TSLP: variants seen among roughly 807,000 people sequenced by gnomAD.
TSLP encodes thymic stroma-derived lymphopoietin.
A neutral mutation model predicts 12.4 loss-of-function variants in TSLP; 12 were observed. The observed-to-expected ratio is 0.97, with a 90% CI of 0.62 to 1.57. The LOEUF is 1.57. Ranked by LOEUF, TSLP falls within the 40% of genes most tolerant of loss-of-function variation. The probability of loss-of-function intolerance (pLI) is 0.00; values close to 1 mark genes in which losing one functional copy is unlikely to be tolerated. For synonymous variants in TSLP, 97 were observed against 69.5 expected (o/e 1.40, Z -1.97); for missense variants, 222 against 189.6 (o/e 1.17, Z -1.00).
At position 111,072,933 on chromosome 5, in the gene TSLP, G is replaced by A. The variant is rs1580376116; in HGVS notation, c.216+1G>A. On this transcript the variant is annotated splice_donor_variant, in intron 2 of 3. Coordinates refer to ENST00000344895, the MANE Select transcript of TSLP (RefSeq NM_033035.5). LOFTEE classifies it high-confidence loss of function. ...CAACACCGTCTCTTGTAGCAATCGG[G>A]TGAGTAGAGAGTTCAGTGCTGCTGG... The A allele has an allele frequency of 6.2e-7, 1 of 1,614,228 alleles. No individual in the cohort carries two copies. The highest frequency in any genetic ancestry group is 8.5e-7 in the Non-Finnish European group (1 of 1,180,032).
Position 111,077,728 on chromosome 5 carries a change from G to A in TSLP, c.*1654G>A, listed in dbSNP as rs1385805498. The A allele has an allele frequency of 6.6e-6, 1 of 152,486 alleles. No individual in the cohort carries two copies. Among genetic ancestry groups the A allele is most frequent in the East Asian group, 1.9e-4 (1 of 5,198 alleles). 9.4% of individuals were successfully genotyped at this position (152,486 alleles called of 1,614,324 possible). ...ACTCAAAGTCATCCCATTAAGTGCA[G>A]TTTCTTTGAATCTTCTGCTTTATCT... On this transcript the variant is annotated 3_prime_UTR_variant, in exon 4 of 4. Transcript: ENST00000344895.
intron 2 of TSLP, 40 bp from the exon 3 acceptor site, chr5:111,073,456 CTTTCTCTCTCTGGTG>C (rs1752399694): frequency 6.2e-7 from 1 of 1,610,128 alleles, no homozygotes; most frequent in African/African-American, 1.3e-5. Flanking sequence ...CTCACCAACT[CTTTCTCTCTCTGGTG>C]TTTTCTCCTT....
At chr5:111,070,136 A>G (rs1271882869), upstream of TSLP, 1 of 152,214 alleles carries the variant, frequency 6.6e-6, no homozygotes, top group Non-Finnish European at 1.5e-5. Flanking sequence ...CACATGAAGA[A>G]TTCCAGAAAA....
chr5:111,075,301 C>G (rs1752469186), intron 3 of TSLP, among the ~76,000 whole-genome samples: 1 of 151,850 alleles, frequency 6.6e-6, no homozygotes, highest in Non-Finnish European at 1.5e-5. Context: ...GTGTACTACT[C>G]AAAGGTAATT....
chr5:111,071,968 GTTAACTTACGACTTC>G lies in TSLP; in HGVS notation c.79_93del (p.Leu27_Phe31del), dbSNP rs1752349010. 1.2e-6 allele frequency: 2 copies of G among 1,614,108 alleles called. No homozygotes were observed. The highest frequency in any genetic ancestry group is 2.7e-5 in the African/African-American group (2 of 74,944). ...TCATCTTACAACTTGTAGGGCTGGT[GTTAACTTACGACTTC>G]ACTAACTGTGACTTTGAGAAGATTA... On this transcript the variant is annotated inframe_deletion, in exon 1 of 4. Transcript: ENST00000344895.
chr5:111,076,683 C>A lies in TSLP; in HGVS notation c.*609C>A, dbSNP rs559885907. 4.6e-5 allele frequency: 7 copies of A among 152,308 alleles called. No individual in the cohort carries two copies. In the South Asian group the frequency reaches 1.5e-3, roughly 32 times the overall value. The allele number at this position is 152,308 out of a possible 1,614,324, so 9.4% of individuals were successfully genotyped here. On this transcript the variant is annotated 3_prime_UTR_variant, in exon 4 of 4. Transcript: ENST00000344895. ...CTTTGTTACAGCTACTATAAATATA[C>A]ATATAAATTATAGAATCTACTTTAA...
In TSLP at chr5:111,076,104, C is replaced by T; in HGVS notation, c.*30C>T. 1 of 1,610,090 alleles carries T rather than the reference C, an allele frequency of 6.2e-7. No homozygotes were observed. Among genetic ancestry groups the T allele is most frequent in the Non-Finnish European group, 8.5e-7 (1 of 1,178,098 alleles). ...TCTTTATTATGGTCATATTTCACAG[C>T]ACCAAAATAAATCATCTTTATTAAG... On this transcript the variant is annotated 3_prime_UTR_variant, in exon 4 of 4. Coordinates refer to ENST00000344895, the MANE Select transcript of TSLP (RefSeq NM_033035.5).
rs1343442181 is a variant in TSLP at position 111,073,603 on chromosome 5, G to A, written c.309G>A (p.Lys103=). The A allele has an allele frequency of 2.5e-6, 4 of 1,614,224 alleles. No homozygotes were observed. Among genetic ancestry groups the A allele is most frequent in the Non-Finnish European group, 3.4e-6 (4 of 1,180,048 alleles). Residue 103 remains lysine (K), a synonymous_variant, in exon 3 of 4, where the codon AAG becomes AAA. Coordinates refer to ENST00000344895, the MANE Select transcript of TSLP (RefSeq NM_033035.5). ...LAKEMFAMKT[K]AALAIWCPGY... is the part of the protein sequence containing the mutation. ...AAGAAATGTTCGCCATGAAAACTAA[G>A]GCTGCCTTAGCTATCTGGTGCCCAG...
chr5:111,073,297 G>T (rs763258956), intron 2 of TSLP: 6 of 1,420,600 alleles, frequency 4.2e-6, no homozygotes, highest in African/African-American at 1.4e-5. Flanking sequence ...GTCTTTTCGC[G>T]ACGAGTGCCC....
chr5:111,076,044 C>T lies in TSLP; in HGVS notation c.450C>T (p.Arg150=). Reference sequence around the variant, plus strand: ...CACAATTACAAGGATTGTGGCGTCGCTTCAATCGACCTTTACTGAAACAAC... The same window carrying T: ...CACAATTACAAGGATTGTGGCGTCGTTTCAATCGACCTTTACTGAAACAAC... The part of the protein sequence containing the change: ...QVSQLQGLWR[R]FNRPLLKQQ Residue 150 remains arginine (R), a synonymous_variant, in exon 4 of 4, where the codon CGC becomes CGT. Transcript: ENST00000344895. The T allele has an allele frequency of 1.9e-6, 3 of 1,614,098 alleles. No individual in the cohort carries two copies. Among genetic ancestry groups the T allele is most frequent in the Non-Finnish European group, 2.5e-6 (3 of 1,179,990 alleles).
In TSLP at chr5:111,071,836, C is replaced by A; in HGVS notation, c.-55C>A. The stretch of plus-strand genomic sequence containing the variant: ...TAAGGCAGGCCTTACAGATCTCTTA[C>A]ACTCGTGGTGGGAAGAGTTTAGTGT... On this transcript the variant is annotated 5_prime_UTR_variant, in exon 1 of 4. Coordinates refer to ENST00000344895, the MANE Select transcript of TSLP (RefSeq NM_033035.5). The A allele has an allele frequency of 6.3e-7, 1 of 1,584,362 alleles. No homozygotes were observed. Among genetic ancestry groups the A allele is most frequent in the Non-Finnish European group, 8.6e-7 (1 of 1,160,956 alleles).
chr5:111,071,459 C>G (rs566158190), upstream of TSLP: 4 of 1,533,258 alleles, frequency 2.6e-6, no homozygotes, highest in Non-Finnish European at 3.5e-6. Context: ...CACTGGTATC[C>G]GTTTCTTAAA....
chr5:111,071,877 T>C lies in TSLP; in HGVS notation c.-14T>C. The C allele has an allele frequency of 6.2e-7, 1 of 1,611,074 alleles. No individual in the cohort carries two copies. The highest frequency in any genetic ancestry group is 8.5e-7 in the Non-Finnish European group (1 of 1,177,554). The stretch of plus-strand genomic sequence containing the variant: ...AGTTTAGTGTGAAACTGGGGTGGAA[T>C]TGGGTGTCCACGTATGTTCCCTTTT... On this transcript the variant is annotated 5_prime_UTR_variant, in exon 1 of 4. Transcript: ENST00000344895.
chr5:111,071,885 C>T lies in TSLP; in HGVS notation c.-6C>T. On this transcript the variant is annotated 5_prime_UTR_variant, in exon 1 of 4. Coordinates refer to ENST00000344895, the MANE Select transcript of TSLP (RefSeq NM_033035.5). ...GTGAAACTGGGGTGGAATTGGGTGT[C>T]CACGTATGTTCCCTTTTGCCTTACT... 6.2e-7 allele frequency: 1 copy of T among 1,612,948 alleles called. No homozygotes were observed. The highest frequency in any genetic ancestry group is 8.5e-7 in the Non-Finnish European group (1 of 1,179,098).
At chr5:111,074,556 T>C (rs1752440410) in intron 3 of TSLP, among the ~76,000 whole-genome samples, 1 of 152,014 alleles carries the variant, frequency 6.6e-6, no homozygotes, top group Admixed American at 6.6e-5. Context: ...AGTGCAGATA[T>C]GTTTGATTGC....
At chr5:111,075,834 T>C in intron 3 of TSLP, 112 bp from the exon 4 acceptor site, 1 of 1,129,146 alleles carries the variant, frequency 8.9e-7, no homozygotes, top group Non-Finnish European at 1.3e-6. Flanking sequence ...AGCAGGTGCT[T>C]TGGAGACACA....
chr5:111,073,202 TG>T, intron 2 of TSLP: 1 of 1,116,762 alleles, frequency 9.0e-7, no homozygotes, highest in Non-Finnish European at 1.2e-6. Flanking sequence ...CACCACCTGC[TG>T]GGGTCCGGCG....
rs569535175 is a variant in TSLP at position 111,073,016 on chromosome 5, C to T, written c.216+84C>T. 1.0e-4 allele frequency: 157 copies of T among 1,511,624 alleles called. 4 individuals are homozygous for T. In the South Asian group the frequency reaches 1.1e-3, roughly 11 times the overall value. 93.6% of individuals were successfully genotyped at this position (1,511,624 alleles called of 1,614,324 possible). A position where few individuals can be genotyped will look rare whatever the true frequency, so the allele number is the denominator to read the frequency against. On this transcript the variant is annotated intron_variant, in intron 2 of 3. Transcript: ENST00000344895. Reference sequence around the variant, plus strand: ...AGGGAGTATCCTGCTACGTGCAGAACTCCGAGAGGTGCCTGGGCTCCGGGA... The same window carrying T: ...AGGGAGTATCCTGCTACGTGCAGAATTCCGAGAGGTGCCTGGGCTCCGGGA...
chr5:111,074,463 A>C (rs1752437533), intron 3 of TSLP, among the ~76,000 whole-genome samples: 1 of 152,190 alleles, frequency 6.6e-6, no homozygotes, highest in African/African-American at 2.4e-5. Flanking sequence ...TGCCTGGTAC[A>C]CAACAGGCAC....
Sources: allele counts gnomAD v4.1 joint callset (sites outside exome capture counted in the v4.1 genomes callset), GRCh38; gene constraint gnomAD v4.1.1; transcripts MANE v1.5; gene names NCBI Gene and HGNC (gene_info 2026-07-23, HGNC 2026-07-21).